The following PLCG2 variants were observed in gnomAD, a reference collection of about 807,000 sequenced individuals.
PLCG2 encodes the protein phospholipase C gamma 2, also known as 1-phosphatidylinositol 4,5-bisphosphate phosphodiesterase gamma-2.
Under a neutral mutation model 175.6 loss-of-function variants are expected in PLCG2, and 69 were observed. That is an observed-to-expected ratio of 0.39 (90% CI 0.32 to 0.48). The LOEUF is 0.48. Among genes scored for constraint, PLCG2 ranks in the 20% least tolerant of loss-of-function variants. The probability of loss-of-function intolerance (pLI) is 0.91; values close to 1 mark genes in which losing one functional copy is unlikely to be tolerated. For synonymous variants in PLCG2, 827 were observed against 624.0 expected (o/e 1.33, Z -4.85); for missense variants, 1,798 against 1,650.9 (o/e 1.09, Z -1.54).
chr16:81,910,796 G>A, intron 18 of PLCG2, 76 bp downstream of exon 18: 7 of 1,390,794 alleles, frequency 5.0e-6, no homozygotes, highest in Non-Finnish European at 6.0e-6. Context: ...TGGCCTGGTG[G>A]TTCAGCCGGG....
At chr16:81,760,401 C>T (rs1714863940) in intron 2 of PLCG2, among the ~76,000 whole-genome samples, 1 of 152,188 alleles carries the variant, frequency 6.6e-6, no homozygotes, top group African/African-American at 2.4e-5. Flanking sequence ...CCTCTGACAC[C>T]TGCTTCTCTT....
At chr16:81,841,890 C>A (rs758922139) in intron 2 of PLCG2, among the ~76,000 whole-genome samples, 2 of 152,212 alleles carry the variant, frequency 1.3e-5, no homozygotes, top group Non-Finnish European at 2.9e-5. Flanking sequence ...CAGTAAGCAA[C>A]GCTGGGGCTT....
At chr16:81,821,236 G>A (rs544283760) in intron 2 of PLCG2, among the ~76,000 whole-genome samples, 1 of 152,330 alleles carries the variant, frequency 6.6e-6, no homozygotes, top group African/African-American at 2.4e-5. Flanking sequence ...GATTCAGTGA[G>A]TTAACATGTG....
intron 1 of PLCG2, among the ~76,000 whole-genome samples, chr16:81,746,172 C>A (rs529440903): frequency 6.6e-6 from 1 of 152,184 alleles, no homozygotes; most frequent in Non-Finnish European, 1.5e-5. Flanking sequence ...GGCACTGTGG[C>A]ACAAACAAGG....
At chr16:81,768,639 C>T (rs984783637) in intron 2 of PLCG2, among the ~76,000 whole-genome samples, 2 of 145,010 alleles carry the variant, frequency 1.4e-5, no homozygotes, top group Non-Finnish European at 3.0e-5. Flanking sequence ...GATCTCAGCT[C>T]ACTGCAACCT....
intron 13 of PLCG2, among the ~76,000 whole-genome samples, chr16:81,899,440 A>T (rs1909046904): frequency 6.6e-6 from 1 of 152,102 alleles, no homozygotes; most frequent in African/African-American, 2.4e-5. Flanking sequence ...GCTAAAATTG[A>T]CTTGTAACCC....
At position 81,938,764 on chromosome 16, in the gene PLCG2, C is replaced by T. The variant is rs367679252; in HGVS notation, c.3199-37C>T. On this transcript the variant is annotated intron_variant, in intron 28 of 32. Transcript: ENST00000564138. ...CCACGCTAGGCTGCCTGTTCAGGAC[C>T]CCAGGGGGGTTCCAATGCTTCCCTT... 1.6e-5 allele frequency: 21 copies of T among 1,343,286 alleles called. No individual in the cohort carries two copies. In the African/African-American group the frequency reaches 2.7e-4, roughly 17 times the overall value. The allele number at this position is 1,343,286 out of a possible 1,614,324, so 83.2% of individuals were successfully genotyped here.
Position 81,889,268 on chromosome 16 carries a change from G to T in PLCG2, c.862G>T (p.Asp288Tyr). 6.3e-7 allele frequency: 1 copy of T among 1,577,118 alleles called. No individual in the cohort carries two copies. The highest frequency in any genetic ancestry group is 1.1e-5 in the South Asian group (1 of 88,164). Residue 288 changes from aspartate to tyrosine, a missense_variant, in exon 10 of 33, where the codon GAT (aspartate) becomes TAT (tyrosine). Coordinates refer to ENST00000564138, the MANE Select transcript of PLCG2 (RefSeq NM_002661.5). The part of the protein sequence containing the change: ...RETAEPFLFV[D>Y]EFLTYLFSRE... ...AACTGCTGAGCCTTTCTTGTTTGTGGATGAGGTGAGTAGGCTGGGCTTGTT... is the reference window on the plus strand; with the variant it reads ...AACTGCTGAGCCTTTCTTGTTTGTGTATGAGGTGAGTAGGCTGGGCTTGTT...
chr16:81,866,497 G>C (rs1289517162), intron 5 of PLCG2, among the ~76,000 whole-genome samples: 1 of 80,778 alleles, frequency 1.2e-5, no homozygotes, highest in Non-Finnish European at 3.0e-5. Flanking sequence ...TGGGGCACCA[G>C]CATGAGAGGA....
intron 7 of PLCG2, 72 bp from the exon 8 acceptor site, chr16:81,880,838 C>T (rs1329528982): frequency 1.4e-6 from 2 of 1,439,116 alleles, no homozygotes; most frequent in Non-Finnish European, 1.9e-6. Flanking sequence ...TTTTTAACAA[C>T]AAAAATCTTT....
chr16:81,751,941 G>C lies in PLCG2; in HGVS notation c.-144-3929G>C, dbSNP rs1367748956. Among the ~76,000 whole-genome samples the C allele has an allele frequency of 5.3e-5, 8 of 152,204 alleles. No individual in the cohort carries two copies. In the South Asian group the frequency reaches 1.5e-3, roughly 28 times the overall value. The stretch of plus-strand genomic sequence containing the variant: ...GGAGGCTGAGGTGGGAGATTTGCTT[G>C]AGCCTGGGAGGCGGAGGTTGCAGTG... On this transcript the variant is annotated intron_variant, in intron 1 of 5. Transcript: ENST00000565054.
rs1906583941 is a variant in PLCG2 at position 81,854,517 on chromosome 16, C to T, written c.267C>T (p.Arg89=). Residue 89 remains arginine, a synonymous_variant, in exon 3 of 33, where the codon CGC becomes CGT. Coordinates refer to ENST00000564138, the MANE Select transcript of PLCG2 (RefSeq NM_002661.5). ...ATTTCGAGCGAGCAAAAGCAGTTCG[C>T]CAGAAAGAAGACTGCTGCTTCACCA... ...SKDFERAKAV[R]QKEDCCFTIL... 1 of 1,613,888 alleles carries T rather than the reference C, an allele frequency of 6.2e-7. No individual in the cohort carries two copies. Among genetic ancestry groups the T allele is most frequent in the Non-Finnish European group, 8.5e-7 (1 of 1,179,742 alleles).
chr16:81,777,433 G>A (rs1183078498), upstream of PLCG2, among the ~76,000 whole-genome samples: 3 of 127,696 alleles, frequency 2.3e-5, no homozygotes, highest in African/African-American at 6.2e-5. Flanking sequence ...ACAAGCTGAA[G>A]TTCTAAAAAA....
In PLCG2 at chr16:81,931,646, G is replaced by A; in HGVS notation, c.2731G>A (p.Asp911Asn). The A allele has an allele frequency of 1.2e-6, 2 of 1,613,758 alleles. No individual in the cohort carries two copies. The highest frequency in any genetic ancestry group is 2.2e-5 in the East Asian group (1 of 44,864). The change falls in exon 25 of 33, where the codon GAC becomes AAC. Residue 911 changes from aspartate to asparagine, a missense_variant. Transcript: ENST00000564138. ...CATCCGAGAGATCACCTGGAAGATT[G>A]ACACCAAGGTAGGCACCTGCTCACC... ...QSIREITWKI[D>N]TKENNMKYWE...
intron 2 of PLCG2, among the ~76,000 whole-genome samples, chr16:81,825,590 C>T (rs1170926509): frequency 6.6e-6 from 1 of 152,092 alleles, no homozygotes; most frequent in Non-Finnish European, 1.5e-5. Flanking sequence ...CCACCGCGCC[C>T]AGCCCGAGAT....
At chr16:81,819,070 G>T (rs866055237) in intron 2 of PLCG2, among the ~76,000 whole-genome samples, 1 of 151,996 alleles carries the variant, frequency 6.6e-6, no homozygotes, top group Non-Finnish European at 1.5e-5. Context: ...GAGGTCCAGT[G>T]ACTTGCTCAA....
At chr16:81,760,841 G>T (rs1910027407) in intron 2 of PLCG2, among the ~76,000 whole-genome samples, 1 of 152,040 alleles carries the variant, frequency 6.6e-6, no homozygotes, top group African/African-American at 2.4e-5. Flanking sequence ...AAGGCAGGAG[G>T]CTCATCTCTG....
chr16:81,952,994 G>A (rs148384010), intron 31 of PLCG2, among the ~76,000 whole-genome samples: 69 of 152,342 alleles, frequency 4.5e-4, no homozygotes, highest in Non-Finnish European at 8.1e-4. Flanking sequence ...TTGAAATCAC[G>A]TACTTCCTGA....
At chr16:81,923,433 C>G (rs540510757) in intron 21 of PLCG2, 52 bp from the exon 22 acceptor site, 401 of 1,071,086 alleles carry the variant, frequency 3.7e-4, no homozygotes, top group Non-Finnish European at 5.3e-4. Flanking sequence ...GCAGCCGCCT[C>G]CCTCCCCTCC....
Sources: allele counts gnomAD v4.1 joint callset (sites outside exome capture counted in the v4.1 genomes callset), GRCh38; gene constraint gnomAD v4.1.1; transcripts MANE v1.5; gene names NCBI Gene and HGNC (gene_info 2026-07-23, HGNC 2026-07-21).